RIC1: variants seen among roughly 807,000 people sequenced by gnomAD.
The protein encoded by RIC1 is RIC1 partner of RAB6A GEF complex.
RIC1 carries 88 observed loss-of-function variants against 169.0 expected under a neutral mutation model. The ratio of observed to expected loss-of-function variants is 0.52; its 90% CI spans 0.44 to 0.62. The LOEUF is 0.62. RIC1 is among the 20% of genes least tolerant of loss of function. The probability of loss-of-function intolerance (pLI) is 0.00; values close to 1 mark genes in which losing one functional copy is unlikely to be tolerated. For synonymous variants in RIC1, 790 were observed against 601.5 expected (o/e 1.31, Z -4.59); for missense variants, 1,877 against 1,725.5 (o/e 1.09, Z -1.56).
chr9:5,773,808 C>G, intron 25 of RIC1, 150 bp from the exon 26 acceptor site: 2 of 680,996 alleles, frequency 2.9e-6, no homozygotes, highest in African/African-American at 1.8e-5. Context: ...AGCCAAGAAG[C>G]CTTTCCTCCC....
intron 2 of RIC1, among the ~76,000 whole-genome samples, chr9:5,685,495 T>C (rs1272876889): frequency 6.7e-6 from 1 of 149,252 alleles, no homozygotes; most frequent in East Asian, 2.0e-4. Flanking sequence ...ATCTGATCTT[T>C]GACAAACCTG....
intron 14 of RIC1, among the ~76,000 whole-genome samples, chr9:5,754,103 G>T (rs1825868552): frequency 6.6e-6 from 1 of 152,132 alleles, no homozygotes; most frequent in African/African-American, 2.4e-5. Flanking sequence ...GGTGCCTATT[G>T]TGTGTTAGGC....
intron 17 of RIC1, among the ~76,000 whole-genome samples, chr9:5,761,534 A>G (rs935324664): frequency 1.3e-5 from 2 of 152,266 alleles, no homozygotes; most frequent in South Asian, 4.1e-4. Context: ...TAAATGAGCC[A>G]AAAAGAAAAA....
At chr9:5,687,805 A>T (rs750379887) in intron 2 of RIC1, among the ~76,000 whole-genome samples, 3 of 151,906 alleles carry the variant, frequency 2.0e-5, no homozygotes, top group Admixed American at 6.6e-5. Context: ...TTAATTAAAT[A>T]TTTTTTTTCT....
chr9:5,657,752 A>G (rs886161866), intron 2 of RIC1, among the ~76,000 whole-genome samples: 5 of 152,160 alleles, frequency 3.3e-5, no homozygotes, highest in Non-Finnish European at 5.9e-5. Context: ...GAGTTTGCAG[A>G]TGACTGACCA....
chr9:5,630,284 C>T (rs889291604), intron 1 of RIC1, among the ~76,000 whole-genome samples: 1 of 152,236 alleles, frequency 6.6e-6, no homozygotes, highest in Non-Finnish European at 1.5e-5. Context: ...GCAAACACTG[C>T]TATAACTTTG....
At chr9:5,666,117 G>T (rs1036501108) in intron 2 of RIC1, among the ~76,000 whole-genome samples, 2 of 152,088 alleles carry the variant, frequency 1.3e-5, no homozygotes, top group African/African-American at 4.8e-5. Flanking sequence ...TCTAATTGGG[G>T]GTGGCTCAAG....
chr9:5,749,764 C>CTTT (rs769556596), intron 12 of RIC1, among the ~76,000 whole-genome samples: 3 of 36,332 alleles, frequency 8.3e-5, no homozygotes, highest in African/African-American at 2.5e-4. Flanking sequence ...AAAGGCGGTG[C>CTTT]TTTTTTTTTT....
At chr9:5,651,939 C>G (rs543984626) in intron 1 of RIC1, among the ~76,000 whole-genome samples, 1 of 152,258 alleles carries the variant, frequency 6.6e-6, no homozygotes, top group Non-Finnish European at 1.5e-5. Flanking sequence ...TTGCATGTGG[C>G]TATCCAGGTT....
At chr9:5,680,350 C>T (rs1408407563) in intron 2 of RIC1, among the ~76,000 whole-genome samples, 2 of 152,156 alleles carry the variant, frequency 1.3e-5, no homozygotes, top group African/African-American at 2.4e-5. Flanking sequence ...GTGATGCTGG[C>T]GTCATCAAAT....
intron 4 of RIC1, among the ~76,000 whole-genome samples, chr9:5,717,141 C>T (rs1035341772): frequency 6.6e-6 from 1 of 152,166 alleles, no homozygotes; most frequent in Non-Finnish European, 1.5e-5. Context: ...TTTCTCTTGA[C>T]TCTAGGTTAC....
At chr9:5,751,139 G>T (rs187070703) in intron 12 of RIC1, among the ~76,000 whole-genome samples, 5 of 151,564 alleles carry the variant, frequency 3.3e-5, no homozygotes, top group African/African-American at 1.2e-4. Context: ...CCACCCACAC[G>T]TTTCATAAGT....
chr9:5,685,793 A>T (rs1821182995), intron 2 of RIC1, among the ~76,000 whole-genome samples: 1 of 140,150 alleles, frequency 7.1e-6, no homozygotes, highest in African/African-American at 2.6e-5. Context: ...AATTCAACTA[A>T]AGAGCTTCTG....
intron 2 of RIC1, among the ~76,000 whole-genome samples, chr9:5,680,614 A>C (rs1334463423): frequency 6.6e-6 from 1 of 152,018 alleles, no homozygotes; most frequent in Non-Finnish European, 1.5e-5. Flanking sequence ...CATTTCTTCT[A>C]GATTTTCTAG....
chr9:5,675,606 G>C (rs905372003), intron 2 of RIC1, among the ~76,000 whole-genome samples: 1 of 152,036 alleles, frequency 6.6e-6, no homozygotes, highest in Admixed American at 6.6e-5. Context: ...TAATATAAAA[G>C]GTAGTCACTT....
chr9:5,748,733 A>T (rs2131010931), intron 12 of RIC1: 1 of 152,760 alleles, frequency 6.5e-6, no homozygotes, highest in East Asian at 1.9e-4. Flanking sequence ...GGAACTAAAA[A>T]ATCGATCAGG....
At chr9:5,676,213 G>A (rs940692478) in intron 2 of RIC1, among the ~76,000 whole-genome samples, 1 of 152,088 alleles carries the variant, frequency 6.6e-6, no homozygotes, top group Non-Finnish European at 1.5e-5. Context: ...CACTGCACCT[G>A]GCCTGGATAA....
chr9:5,704,812 TTTA>T (rs1822466080), intron 3 of RIC1, among the ~76,000 whole-genome samples: 2 of 152,276 alleles, frequency 1.3e-5, no homozygotes, highest in African/African-American at 4.8e-5. Flanking sequence ...AGCTCTTATA[TTTA>T]GAGTTTTTAT....
chr9:5,724,949 T>G (rs972632086), intron 6 of RIC1, among the ~76,000 whole-genome samples: 3 of 152,182 alleles, frequency 2.0e-5, no homozygotes, highest in Non-Finnish European at 4.4e-5. Context: ...TGCTGCTGGA[T>G]TCGGTTTGCC....
Sources: allele counts gnomAD v4.1 joint callset (sites outside exome capture counted in the v4.1 genomes callset), GRCh38; gene constraint gnomAD v4.1.1; transcripts MANE v1.5; gene names NCBI Gene and HGNC (gene_info 2026-07-23, HGNC 2026-07-21).